The following PRRT2 variants were observed in gnomAD, a reference collection of about 807,000 sequenced individuals.
PRRT2 encodes the protein proline-rich transmembrane protein 2.
In PRRT2, 9 loss-of-function variants were observed where a neutral mutation model predicts 24.7. The observed-to-expected ratio is 0.36, with a 90% CI of 0.22 to 0.64. The LOEUF (loss-of-function observed/expected upper bound fraction) is 0.64. PRRT2 is among the 30% of genes least tolerant of loss of function. PRRT2 has a pLI of 0.65. For missense variants in PRRT2, 460 were observed against 435.0 expected, an observed-to-expected ratio of 1.06 and a Z score of -0.51; for synonymous variants, 195 against 175.5, an observed-to-expected ratio of 1.11 and a Z score of -0.88.
Position 29,815,614 on chromosome 16 carries a change from C to T in PRRT2, c.*976C>T, listed in dbSNP as rs887218315. On this transcript the variant is annotated 3_prime_UTR_variant, in exon 4 of 4. Transcript: ENST00000358758. ...AGGAGCGAGGGCGGGGCGCCGCGCT[C>T]TATAATTATTTTCTAAGATGATGGG... 6.6e-6 allele frequency: 1 copy of T among 151,322 alleles called. No homozygotes were observed. Among genetic ancestry groups the T allele is most frequent in the Admixed American group, 6.6e-5 (1 of 15,092 alleles). The allele number at this position is 151,322 out of a possible 1,614,324, so 9.4% of individuals were successfully genotyped here.
chr16:29,814,722 A>T lies in PRRT2; in HGVS notation c.*84A>T. The T allele has an allele frequency of 1.4e-6, 2 of 1,480,750 alleles. No individual in the cohort carries two copies. The highest frequency in any genetic ancestry group is 9.1e-7 in the Non-Finnish European group (1 of 1,099,788). The allele number at this position is 1,480,750 out of a possible 1,614,324, so 91.7% of individuals were successfully genotyped here. ...CCCTCCCCTGGGGGGAGCCCAACTG[A>T]TGGCCCTGGCCCCCACCCCTAAGGA... On this transcript the variant is annotated 3_prime_UTR_variant, in exon 4 of 4. Transcript: ENST00000358758. The surrounding 1 kb of genome is among the most constrained non-coding windows in gnomAD (Gnocchi z 4.1).
At position 29,813,269 on chromosome 16, in the gene PRRT2, C is replaced by G; in HGVS notation, c.215C>G (p.Thr72Arg). Residue 72 changes from threonine to arginine, a missense_variant, in exon 2 of 4, where the codon ACA (threonine) becomes AGA (arginine). Physicochemically the swap from Thr to Arg is moderately conservative, Grantham distance 71. Around this residue, in one of 3 missense-constraint regions of PRRT2, gnomAD observed 378 missense variants for 324.6 expected, o/e 1.16. Transcript: ENST00000358758. ...GPKAGLAPET[T>R]ETPAGASETA... ...AAGGCTGGGCTGGCTCCAGAAACCA[C>G]AGAGACCCCGGCTGGGGCCTCAGAA... 1 of 1,613,956 alleles carries G rather than the reference C, an allele frequency of 6.2e-7. No homozygotes were observed. The highest frequency in any genetic ancestry group is 8.5e-7 in the Non-Finnish European group (1 of 1,180,000).
Position 29,813,044 on chromosome 16 carries a change from C to T in PRRT2, c.-11C>T, listed in dbSNP as rs995960529. On this transcript the variant is annotated 5_prime_UTR_variant, in exon 2 of 4. Transcript: ENST00000358758. ...TCCCCATAGGGGCTCTCTCCCCTCT[C>T]CCATCTCAAGATGGCAGCCAGCAGC... The T allele has an allele frequency of 3.1e-6, 5 of 1,587,314 alleles. No individual in the cohort carries two copies. Among genetic ancestry groups the T allele is most frequent in the Non-Finnish European group, 4.3e-6 (5 of 1,167,954 alleles).
At position 29,812,980 on chromosome 16, in the gene PRRT2, C is replaced by T; in HGVS notation, c.-65-10C>T. Reference sequence around the variant, plus strand: ...CCTCCTCACCCCAAGCCTATCTCCTCCTCTTCCAGGGTTTGCCGCTGTCTC... The same window carrying T: ...CCTCCTCACCCCAAGCCTATCTCCTTCTCTTCCAGGGTTTGCCGCTGTCTC... On this transcript the variant is annotated splice_polypyrimidine_tract_variant and intron_variant, in intron 1 of 3. Coordinates refer to ENST00000358758, the MANE Select transcript of PRRT2 (RefSeq NM_145239.3). The T allele has an allele frequency of 6.7e-7, 1 of 1,486,628 alleles. No homozygotes were observed. Among genetic ancestry groups the T allele is most frequent in the Non-Finnish European group, 9.1e-7 (1 of 1,104,308 alleles). 92.1% of individuals were successfully genotyped at this position (1,486,628 alleles called of 1,614,324 possible). A position where few individuals can be genotyped will look rare whatever the true frequency, so the allele number is the denominator to read the frequency against.
Position 29,814,593 on chromosome 16 carries a change from TCCC to T in PRRT2, c.1013-31_1013-29del, listed in dbSNP as rs754459153. 1 of 1,602,920 alleles carries T rather than the reference TCCC, an allele frequency of 6.2e-7. No individual in the cohort carries two copies. ...TCCTTTGTCTCTCCTTGTCTCCCCC[TCCC>T]CCCGTCTGTCCTTCCCTCTCCTCTC... On this transcript the variant is annotated intron_variant, in intron 3 of 3. Transcript: ENST00000358758. This position sits in a 1 kb window ranked among gnomAD's most constrained non-coding sequence, Gnocchi z 4.1.
At position 29,813,742 on chromosome 16, in the gene PRRT2, A is replaced by G. The variant is rs1331236428; in HGVS notation, c.688A>G (p.Arg230Gly). Residue 230 changes from arginine to glycine, a missense_variant, in exon 2 of 4, where the codon AGG becomes GGG. This residue lies in a region of PRRT2 where 378 missense variants were observed against 324.6 expected (regional missense o/e 1.16). Coordinates refer to ENST00000358758, the MANE Select transcript of PRRT2 (RefSeq NM_145239.3). ...QQLVEEDRMR[R>G]AHSGHPGSPR... ...GCTGGTTGAGGAGGATCGAATGAGA[A>G]GGGCACACAGTGGGCATCCAGGATC... The G allele has an allele frequency of 6.7e-7, 1 of 1,489,114 alleles. No homozygotes were observed. Among genetic ancestry groups the G allele is most frequent in the Admixed American group, 1.9e-5 (1 of 53,322 alleles). 92.2% of individuals were successfully genotyped at this position (1,489,114 alleles called of 1,614,324 possible).
rs995559472 is a variant in PRRT2 at position 29,812,729 on chromosome 16, A to G, written c.-65-261A>G. Among the ~76,000 whole-genome samples the G allele has an allele frequency of 3.3e-5, 5 of 151,714 alleles. No homozygotes were observed. The East Asian group carries it at 9.8e-4, about 30-fold the overall frequency. On this transcript the variant is annotated intron_variant, in intron 1 of 3. Transcript: ENST00000358758. The stretch of plus-strand genomic sequence containing the variant: ...GATCTGAGAGTCTGGATCTTGTTGG[A>G]TGGACCCAGGGAGAGACCCTGGAGA...
In PRRT2 at chr16:29,814,803, C is replaced by G; in HGVS notation, c.*165C>G. The G allele has an allele frequency of 1.4e-6, 1 of 716,122 alleles. No individual in the cohort carries two copies. Among genetic ancestry groups the G allele is most frequent in the Middle Eastern group, 3.5e-4 (1 of 2,880 alleles). 44.4% of individuals were successfully genotyped at this position (716,122 alleles called of 1,614,324 possible). A position where few individuals can be genotyped will look rare whatever the true frequency, so the allele number is the denominator to read the frequency against. ...CTTCTGTCCTGCTCCTGCATCTTGC[C>G]AGGCTCCTCTGCCAACTGTAGGCCT... is the stretch of plus-strand genomic sequence containing the variant. On this transcript the variant is annotated 3_prime_UTR_variant, in exon 4 of 4. Transcript: ENST00000358758. The surrounding 1 kb of genome is among the most constrained non-coding windows in gnomAD (Gnocchi z 4.1).
rs730882067 is a variant in PRRT2 at position 29,813,676 on chromosome 16, T to TC, written c.629dup (p.Ala211SerfsTer14). On this transcript the variant is annotated frameshift_variant, in exon 2 of 4. Transcript: ENST00000358758. LOFTEE classifies it high-confidence loss of function. ...GCCTCACTCACCACCCTCAAAAAAA[T>TC]CCCCCCCAGCCAATGGGGCCCCCCC... The TC allele has an allele frequency of 8.9e-6, 14 of 1,571,124 alleles. No homozygotes were observed. The highest frequency in any genetic ancestry group is 1.8e-5 in the Admixed American group (1 of 55,154).
chr16:29,813,834 A>G lies in PRRT2; in HGVS notation c.780A>G (p.Glu260=), dbSNP rs1193415255. ...QLAGPGVEGG[E]GTQKPRDYII... ...CAGGTCCTGGGGTGGAGGGGGGTGAAGGCACCCAGAAACCTCGGGACTACA... is the reference window on the plus strand; with the variant it reads ...CAGGTCCTGGGGTGGAGGGGGGTGAGGGCACCCAGAAACCTCGGGACTACA... The change falls in exon 2 of 4, where the codon GAA becomes GAG. Residue 260 remains glutamate, a synonymous_variant. Coordinates refer to ENST00000358758, the MANE Select transcript of PRRT2 (RefSeq NM_145239.3). 1 of 1,613,570 alleles carries G rather than the reference A, an allele frequency of 6.2e-7. No individual in the cohort carries two copies. The highest frequency in any genetic ancestry group is 1.1e-5 in the South Asian group (1 of 91,042).
rs766161876 is a variant in PRRT2, at chr16:29,813,376, A to T, written c.322A>T (p.Thr108Ser). 8 of 1,614,100 alleles carry T rather than the reference A, an allele frequency of 5.0e-6. No homozygotes were observed. Among genetic ancestry groups the T allele is most frequent in the Non-Finnish European group, 6.8e-6 (8 of 1,180,006 alleles). The change falls in exon 2 of 4, where the codon ACA (threonine) becomes TCA (serine). Residue 108 changes from threonine (T) to serine (S), a missense_variant. Physicochemically the swap from Thr to Ser is moderately conservative, Grantham distance 58 (BLOSUM62 1). Coordinates refer to ENST00000358758, the MANE Select transcript of PRRT2 (RefSeq NM_145239.3). ...CAGCCCCGAAGACCCATGCCAAGAA[A>T]CAGTGTCCAAACCAGAAGTGAGCAA... ...NCSPEDPCQE[T>S]VSKPEVSKEA...
In PRRT2 at chr16:29,812,206, A is replaced by G. The variant is rs1397256430; in HGVS notation, c.-183A>G. The G allele has an allele frequency of 1.2e-5, 2 of 163,630 alleles. No individual in the cohort carries two copies. Among genetic ancestry groups the G allele is most frequent in the Admixed American group, 6.4e-5 (1 of 15,670 alleles). The allele number at this position is 163,630 out of a possible 1,614,324, so 10.1% of individuals were successfully genotyped here. A position where few individuals can be genotyped will look rare whatever the true frequency, so the allele number is the denominator to read the frequency against. ...AGAGGAGGGGATGAGCACACGGGAG[A>G]GGAGAAGAGGGAGACCCGCCGCCTC... On this transcript the variant is annotated 5_prime_UTR_variant, in exon 1 of 4. Coordinates refer to ENST00000358758, the MANE Select transcript of PRRT2 (RefSeq NM_145239.3).
At position 29,815,044 on chromosome 16, in the gene PRRT2, G is replaced by A. The variant is rs1045968; in HGVS notation, c.*406G>A. On this transcript the variant is annotated 3_prime_UTR_variant, in exon 4 of 4. Coordinates refer to ENST00000358758, the MANE Select transcript of PRRT2 (RefSeq NM_145239.3). ...AATTCTCTGGACCTCCACCCTGGCC[G>A]CCTCCTCCCAACTTTCATTGTCTTG... The A allele has an allele frequency of 5.3e-5, 11 of 207,784 alleles. No homozygotes were observed. Among genetic ancestry groups the A allele is most frequent in the East Asian group, 3.6e-4 (3 of 8,408 alleles). 12.9% of individuals were successfully genotyped at this position (207,784 alleles called of 1,614,324 possible).
At position 29,814,107 on chromosome 16, in the gene PRRT2, C is replaced by T. The variant is rs1041135224; in HGVS notation, c.879+174C>T. The T allele has an allele frequency of 9.5e-6, 14 of 1,472,818 alleles. No homozygotes were observed. The highest frequency in any genetic ancestry group is 1.2e-5 in the Non-Finnish European group (13 of 1,120,962). The allele number at this position is 1,472,818 out of a possible 1,614,324, so 91.2% of individuals were successfully genotyped here. A position where few individuals can be genotyped will look rare whatever the true frequency, so the allele number is the denominator to read the frequency against. On this transcript the variant is annotated intron_variant, in intron 2 of 3. Transcript: ENST00000358758. The surrounding 1 kb of genome is among the most constrained non-coding windows in gnomAD (Gnocchi z 4.1). ...TCTCCCTAGGACCTAACCCTCTGAG[C>T]CACCACTGCCCTGCCCCTTTGGGTG...
Position 29,813,277 on chromosome 16 carries a change from C to T in PRRT2, c.223C>T (p.Pro75Ser). ...GCTGGCTCCAGAAACCACAGAGACC[C>T]CGGCTGGGGCCTCAGAAACAGCCCA... ...AGLAPETTETPAGASETAQAT... is the reference protein window; with the variant it reads ...AGLAPETTETSAGASETAQAT... Residue 75 changes from proline to serine, a missense_variant, in exon 2 of 4, where the codon CCG (proline) becomes TCG (serine). By Grantham distance (74) the Pro-to-Ser change is moderately conservative (BLOSUM62 -1). Transcript: ENST00000358758. 1 of 1,613,962 alleles carries T rather than the reference C, an allele frequency of 6.2e-7. No individual in the cohort carries two copies. Among genetic ancestry groups the T allele is most frequent in the South Asian group, 1.1e-5 (1 of 91,088 alleles).
At position 29,813,552 on chromosome 16, in the gene PRRT2, C is replaced by T. The variant is rs756252121; in HGVS notation, c.498C>T (p.Pro166=). The T allele has an allele frequency of 3.1e-6, 5 of 1,613,788 alleles. No individual in the cohort carries two copies. The highest frequency in any genetic ancestry group is 1.7e-5 in the Admixed American group (1 of 60,006). ...CAGAGCTCCCTACCCAGGAGGACCCCACCCCTGAGATTCTGTCTGAGAGTG... is the reference window on the plus strand; with the variant it reads ...CAGAGCTCCCTACCCAGGAGGACCCTACCCCTGAGATTCTGTCTGAGAGTG... The part of the protein sequence containing the change: ...LQPELPTQED[P]TPEILSESVG... Residue 166 remains proline, a synonymous_variant, in exon 2 of 4, where the codon CCC becomes CCT. Coordinates refer to ENST00000358758, the MANE Select transcript of PRRT2 (RefSeq NM_145239.3).
At position 29,814,567 on chromosome 16, in the gene PRRT2, C is replaced by T. The variant is rs565298585; in HGVS notation, c.1013-61C>T. 176 of 1,611,042 alleles carry T rather than the reference C, an allele frequency of 1.1e-4. No homozygotes were observed. The highest frequency in any genetic ancestry group is 1.5e-4 in the Non-Finnish European group (171 of 1,177,918). ...TCTCTCCTGTCTGTCCTCCTTACCT[C>T]TCCTTTGTCTCTCCTTGTCTCCCCC... On this transcript the variant is annotated intron_variant, in intron 3 of 3. Transcript: ENST00000358758. The surrounding 1 kb of genome is among the most constrained non-coding windows in gnomAD (Gnocchi z 4.1).
chr16:29,814,716 C>G lies in PRRT2; in HGVS notation c.*78C>G. The G allele has an allele frequency of 4.0e-6, 6 of 1,498,042 alleles. No homozygotes were observed. Among genetic ancestry groups the G allele is most frequent in the Non-Finnish European group, 5.4e-6 (6 of 1,113,648 alleles). The allele number at this position is 1,498,042 out of a possible 1,614,324, so 92.8% of individuals were successfully genotyped here. On this transcript the variant is annotated 3_prime_UTR_variant, in exon 4 of 4. Coordinates refer to ENST00000358758, the MANE Select transcript of PRRT2 (RefSeq NM_145239.3). The surrounding 1 kb of genome is among the most constrained non-coding windows in gnomAD (Gnocchi z 4.1). ...GCCCATCCCTCCCCTGGGGGGAGCC[C>G]AACTGATGGCCCTGGCCCCCACCCC...
Position 29,814,687 on chromosome 16 carries a change from T to A in PRRT2, c.*49T>A, listed in dbSNP as rs781400401. 6.3e-7 allele frequency: 1 copy of A among 1,575,022 alleles called. No individual in the cohort carries two copies. The highest frequency in any genetic ancestry group is 2.3e-5 in the East Asian group (1 of 43,886). Reference sequence around the variant, plus strand: ...ACTTTTCTTCCTGTTGGGAGCTGCCTTGGGCCCATCCCTCCCCTGGGGGGA... The same window carrying A: ...ACTTTTCTTCCTGTTGGGAGCTGCCATGGGCCCATCCCTCCCCTGGGGGGA... On this transcript the variant is annotated 3_prime_UTR_variant, in exon 4 of 4. Coordinates refer to ENST00000358758, the MANE Select transcript of PRRT2 (RefSeq NM_145239.3). This position sits in a 1 kb window ranked among gnomAD's most constrained non-coding sequence, Gnocchi z 4.1.
Sources: allele counts gnomAD v4.1 joint callset (sites outside exome capture counted in the v4.1 genomes callset), GRCh38; gene constraint gnomAD v4.1.1; regional missense constraint gnomAD v4.1.1; non-coding constraint Gnocchi (gnomAD v3.1); transcripts MANE v1.5; gene names NCBI Gene and HGNC (gene_info 2026-07-23, HGNC 2026-07-21).